The following DEPDC7 variants were observed in gnomAD, a reference collection of about 807,000 sequenced individuals.
The protein encoded by DEPDC7 is DEP domain-containing protein 7.
In DEPDC7, 41 loss-of-function variants were observed where a neutral mutation model predicts 56.6. The ratio of observed to expected loss-of-function variants is 0.72; its 90% CI spans 0.56 to 0.94. DEPDC7 has a LOEUF of 0.94. Ranked by LOEUF, DEPDC7 falls within the 40% of genes least tolerant of loss-of-function variation. The probability of loss-of-function intolerance (pLI) is 0.00; values close to 1 mark genes in which losing one functional copy is unlikely to be tolerated. For synonymous variants in DEPDC7, 185 were observed against 208.8 expected (o/e 0.89, Z 0.98); for missense variants, 522 against 596.3 (o/e 0.88, Z 1.30).
At chr11:33,016,237 G>C in intron 1 of DEPDC7, 3 of 1,318,530 alleles carry the variant, frequency 2.3e-6, no homozygotes, top group Non-Finnish European at 2.9e-6. Context: ...GGCTGCAAGC[G>C]GCAGAGCCCG....
At chr11:33,016,192 C>T (rs1412065699) in intron 1 of DEPDC7, 164 bp downstream of exon 1, 10 of 1,267,530 alleles carry the variant, frequency 7.9e-6, no homozygotes, top group Admixed American at 4.0e-5. Context: ...AACGCCCCCG[C>T]CGAGCGGGCG....
Position 33,026,046 on chromosome 11 carries a change from C to T in DEPDC7, c.461C>T (p.Ala154Val), listed in dbSNP as rs1853575253. The change falls in exon 2 of 9, where the codon GCC becomes GTC. Residue 154 changes from alanine (A) to valine (V), a missense_variant. Ala to Val is a moderately conservative substitution (Grantham distance 64). Coordinates refer to ENST00000241051, the MANE Select transcript of DEPDC7 (RefSeq NM_001077242.2). ...LGKENKLYSP[A>V]RYADALFKSS... ...AAAGAGAACAAACTATATTCACCTG[C>T]CAGGTTGGTATATAATGTTAGATTA... The T allele has an allele frequency of 6.2e-7, 1 of 1,613,634 alleles. No homozygotes were observed.
At chr11:33,020,761 C>T (rs1261234311) in intron 1 of DEPDC7, among the ~76,000 whole-genome samples, 2 of 152,206 alleles carry the variant, frequency 1.3e-5, no homozygotes, top group East Asian at 3.8e-4. Context: ...CCATGGCCTC[C>T]CAAAGTCCTG....
Position 33,016,426 on chromosome 11 carries a change from C to T in DEPDC7, c.73+398C>T, listed in dbSNP as rs556504595. ...AGTTCTTTGCCCCCTGTCTCAACCACAAACCTTGACGACACAGTATGGCCA... is the reference window on the plus strand; with the variant it reads ...AGTTCTTTGCCCCCTGTCTCAACCATAAACCTTGACGACACAGTATGGCCA... On this transcript the variant is annotated intron_variant, in intron 1 of 8. Transcript: ENST00000241051. 2.2e-4 allele frequency: 334 copies of T among 1,549,352 alleles called. No individual in the cohort carries two copies. In the African/African-American group the frequency reaches 4.1e-3, roughly 19 times the overall value.
intron 1 of DEPDC7, among the ~76,000 whole-genome samples, chr11:33,021,952 A>G (rs981873807): frequency 1.2e-4 from 18 of 152,160 alleles, no homozygotes; most frequent in Admixed American, 7.9e-4. Flanking sequence ...GAGGCCAAAT[A>G]TCCCCTCTCA....
chr11:33,023,229 C>CAA (rs753650378), intron 1 of DEPDC7, among the ~76,000 whole-genome samples: 4 of 82,014 alleles, frequency 4.9e-5, no homozygotes, highest in Non-Finnish European at 1.0e-4. Flanking sequence ...GACTCTGTCT[C>CAA]AAAAAAAAAA....
At chr11:33,025,021 A>G (rs1478677567) in intron 1 of DEPDC7, among the ~76,000 whole-genome samples, 1 of 152,132 alleles carries the variant, frequency 6.6e-6, no homozygotes, top group Non-Finnish European at 1.5e-5. Flanking sequence ...AAGATGTGTA[A>G]TAGAATCCTT....
chr11:33,020,378 A>G (rs979046681), intron 1 of DEPDC7, among the ~76,000 whole-genome samples: 2 of 152,196 alleles, frequency 1.3e-5, no homozygotes, highest in South Asian at 4.1e-4. Flanking sequence ...AAAAATAGCT[A>G]TTGTTTTCAA....
At chr11:33,016,698 A>G (rs758671087) in intron 1 of DEPDC7, 114 of 1,028,396 alleles carry the variant, frequency 1.1e-4, no homozygotes, top group Non-Finnish European at 1.6e-4. Context: ...CACGGGCCTA[A>G]TCGTGTCTTT....
intron 1 of DEPDC7, chr11:33,016,291 T>G (rs1178371251): frequency 2.1e-6 from 3 of 1,398,580 alleles, no homozygotes; most frequent in Non-Finnish European, 2.8e-6. Flanking sequence ...ACTCTCAACT[T>G]GACCGCGCGT....
intron 4 of DEPDC7, among the ~76,000 whole-genome samples, chr11:33,029,262 C>T (rs940957220): frequency 6.6e-6 from 1 of 151,502 alleles, no homozygotes; most frequent in Non-Finnish European, 1.5e-5. Context: ...CTTTGGGAGG[C>T]TGAGGTGGGT....
intron 3 of DEPDC7, chr11:33,028,221 C>A (rs189480624): frequency 3.0e-4 from 59 of 197,856 alleles, no homozygotes; most frequent in Admixed American, 5.4e-4. Flanking sequence ...TAATTTCCAC[C>A]CTTTCCCCCA....
At chr11:33,019,670 A>C (rs1029412899) in intron 1 of DEPDC7, among the ~76,000 whole-genome samples, 42 of 152,180 alleles carry the variant, frequency 2.8e-4, no homozygotes, top group Admixed American at 2.6e-4. Context: ...TGTCTCAAAA[A>C]AGAAAAAAAA....
intron 1 of DEPDC7, among the ~76,000 whole-genome samples, chr11:33,021,263 GA>G (rs1245294636): frequency 1.4e-5 from 2 of 146,378 alleles, no homozygotes; most frequent in African/African-American, 2.5e-5. Flanking sequence ...AAAAAAAAAA[GA>G]AAAAAAAGAA....
chr11:33,030,469 G>GATAGATAGATAGATAGAT (rs2133667141), intron 4 of DEPDC7, among the ~76,000 whole-genome samples: 1 of 151,980 alleles, frequency 6.6e-6, no homozygotes, highest in African/African-American at 2.4e-5. Context: ...TAGATAGATA[G>GATAGATAGATAGATAGAT]ATAGATATAA....
In DEPDC7 at chr11:33,025,815, C is replaced by G. The variant is rs887776444; in HGVS notation, c.230C>G (p.Ser77Cys). The G allele has an allele frequency of 3.1e-6, 5 of 1,614,154 alleles. No individual in the cohort carries two copies. The highest frequency in any genetic ancestry group is 4.2e-6 in the Non-Finnish European group (5 of 1,180,020). Reference sequence around the variant, plus strand: ...TCAGAAGCTGTGGATGTCATTTTTTCTCACCTAATTCAGAATAAGTATTTT... The same window carrying G: ...TCAGAAGCTGTGGATGTCATTTTTTGTCACCTAATTCAGAATAAGTATTTT... ...VGSEAVDVIF[S>C]HLIQNKYFGD... The change falls in exon 2 of 9, where the codon TCT (serine) becomes TGT (cysteine). Residue 77 changes from serine to cysteine, a missense_variant. Coordinates refer to ENST00000241051, the MANE Select transcript of DEPDC7 (RefSeq NM_001077242.2).
intron 1 of DEPDC7, among the ~76,000 whole-genome samples, chr11:33,023,895 A>G (rs1853548213): frequency 6.6e-6 from 1 of 152,182 alleles, no homozygotes; most frequent in Non-Finnish European, 1.5e-5. Flanking sequence ...GTACTCATGC[A>G]TATGGTTTTC....
chr11:33,027,952 T>A, intron 3 of DEPDC7, 139 bp downstream of exon 3: 1 of 819,436 alleles, frequency 1.2e-6, no homozygotes, highest in Non-Finnish European at 1.7e-6. Context: ...GCTGTTTATG[T>A]TCAATTTTAA....
At chr11:33,020,047 A>G (rs1015869931) in intron 1 of DEPDC7, among the ~76,000 whole-genome samples, 1 of 152,178 alleles carries the variant, frequency 6.6e-6, no homozygotes, top group African/African-American at 2.4e-5. Flanking sequence ...ATTTAATATA[A>G]TCTTACTATT....
Sources: allele counts gnomAD v4.1 joint callset (sites outside exome capture counted in the v4.1 genomes callset), GRCh38; gene constraint gnomAD v4.1.1; transcripts MANE v1.5; gene names NCBI Gene and HGNC (gene_info 2026-07-23, HGNC 2026-07-21).